ASXL3: variants seen among roughly 807,000 people sequenced by gnomAD.
ASXL3 encodes the protein ASXL transcriptional regulator 3, also known as putative Polycomb group protein ASXL3.
Under a neutral mutation model 170.6 loss-of-function variants are expected in ASXL3, and 34 were observed. The observed-to-expected ratio is 0.20, with a 90% CI of 0.15 to 0.27. The LOEUF is 0.27. ASXL3 is among the 10% of genes least tolerant of loss of function. The pLI, the probability that ASXL3 is intolerant of heterozygous loss-of-function variation, is 1.00. For missense variants in ASXL3, 2,592 were observed against 2,695.3 expected, an observed-to-expected ratio of 0.96 and a Z score of 0.85; for synonymous variants, 1,002 against 989.1, an observed-to-expected ratio of 1.01 and a Z score of -0.24.
intron 8 of ASXL3, among the ~76,000 whole-genome samples, chr18:33,700,268 T>C (rs2066848093): frequency 6.6e-6 from 1 of 152,050 alleles, no homozygotes; most frequent in African/African-American, 2.4e-5. Flanking sequence ...ACTGTAACGA[T>C]CCCTGAAGGC....
At position 33,748,139 on chromosome 18, in the gene ASXL3, C is replaced by T. The variant is rs2067827046; in HGVS notation, c.*1544C>T. On this transcript the variant is annotated 3_prime_UTR_variant, in exon 12 of 12. Transcript: ENST00000269197. ...AAACATGGGGGGGGTGGGGAATCATCTGTATCCAGGGTAAGAATGACCAAT... is the reference window on the plus strand; with the variant it reads ...AAACATGGGGGGGGTGGGGAATCATTTGTATCCAGGGTAAGAATGACCAAT... 1 of 152,050 alleles carries T rather than the reference C, an allele frequency of 6.6e-6. No homozygotes were observed. Among genetic ancestry groups the T allele is most frequent in the South Asian group, 2.1e-4 (1 of 4,826 alleles). 9.4% of individuals were successfully genotyped at this position (152,050 alleles called of 1,614,324 possible).
At chr18:33,579,005 T>G in intron 1 of ASXL3, 2 of 169,536 alleles carry the variant, frequency 1.2e-5, no homozygotes, top group Non-Finnish European at 2.5e-5. Context: ...GCAGCTCGAC[T>G]TCCCTCTCTG....
intron 2 of ASXL3, among the ~76,000 whole-genome samples, chr18:33,639,975 A>T (rs576005905): frequency 1.4e-4 from 22 of 152,290 alleles, no homozygotes; most frequent in Admixed American, 7.9e-4. Flanking sequence ...TACTTTAGAG[A>T]CATATTGAAT....
intron 8 of ASXL3, among the ~76,000 whole-genome samples, chr18:33,707,350 C>T (rs908367260): frequency 1.6e-4 from 24 of 151,970 alleles, no homozygotes; most frequent in African/African-American, 5.5e-4. Context: ...CAATCCATGA[C>T]CATAACTTGT....
chr18:33,682,449 T>C (rs1055328786), intron 7 of ASXL3, among the ~76,000 whole-genome samples: 1 of 152,226 alleles, frequency 6.6e-6, no homozygotes, highest in African/African-American at 2.4e-5. Context: ...TTTTGAGATG[T>C]GAACTCTACA....
intron 7 of ASXL3, among the ~76,000 whole-genome samples, chr18:33,676,669 A>G (rs690324): frequency 6.6e-6 from 1 of 152,220 alleles, no homozygotes; most frequent in Admixed American, 6.5e-5. Context: ...CTACCAAATA[A>G]CCAGGCAGTA....
intron 7 of ASXL3, among the ~76,000 whole-genome samples, chr18:33,681,144 C>A (rs372503252): frequency 1.4e-4 from 22 of 152,062 alleles, no homozygotes; most frequent in Admixed American, 4.6e-4. Flanking sequence ...GCTCTCATTT[C>A]AATTACATCT....
At chr18:33,734,555 C>A in intron 10 of ASXL3, 140 bp downstream of exon 10, 1 of 456,684 alleles carries the variant, frequency 2.2e-6, no homozygotes, top group Non-Finnish European at 3.7e-6. Flanking sequence ...TAAGAAATTG[C>A]AGATGAAATT....
In ASXL3 at chr18:33,737,956, G is replaced by A. The variant is rs537588194; in HGVS notation, c.1083-531G>A. 8.1e-4 allele frequency among the ~76,000 whole-genome samples: 123 copies of A among 151,984 alleles called. 1 individual carries two copies. The highest frequency in any genetic ancestry group is 1.1e-3 in the Admixed American group (17 of 15,270). On this transcript the variant is annotated intron_variant, in intron 10 of 11. Transcript: ENST00000269197. ...GATTTAAAAAATATATATTTTATAC[G>A]TTATTTTGCTTTTCTGCTCATATTT...
chr18:33,596,508 A>G (rs886408324), intron 1 of ASXL3, among the ~76,000 whole-genome samples: 10 of 152,216 alleles, frequency 6.6e-5, no homozygotes, highest in Non-Finnish European at 1.0e-4. Flanking sequence ...GCAGAATCAA[A>G]TAATTTCATA....
intron 8 of ASXL3, among the ~76,000 whole-genome samples, chr18:33,712,934 C>T (rs1365251990): frequency 6.6e-6 from 1 of 151,990 alleles, no homozygotes; most frequent in African/African-American, 2.4e-5. Flanking sequence ...TTCTTTTTGT[C>T]CCATCTGCTG....
Position 33,734,330 on chromosome 18 carries a change from C to T in ASXL3, c.997C>T (p.Gln333Ter), listed in dbSNP as rs1243277009. The T allele has an allele frequency of 6.2e-7, 1 of 1,602,272 alleles. No homozygotes were observed. The highest frequency in any genetic ancestry group is 8.5e-7 in the Non-Finnish European group (1 of 1,175,200). The change falls in exon 10 of 12, where the codon CAG (glutamine) becomes TAG (stop). Residue 333 changes from glutamine to a stop codon, truncating the protein, a stop_gained. Coordinates refer to ENST00000269197, the MANE Select transcript of ASXL3 (RefSeq NM_030632.3). LOFTEE classifies it high-confidence loss of function. ...LAEGEFTPEMQLRIRQEIEKE... is the reference protein window; with the variant it reads ...LAEGEFTPEM Reference sequence around the variant, plus strand: ...TTTAGGAGAGTTTACCCCAGAAATGCAGTTGCGGATAAGGCAAGAAATTGA... The same window carrying T: ...TTTAGGAGAGTTTACCCCAGAAATGTAGTTGCGGATAAGGCAAGAAATTGA...
At chr18:33,597,598 A>G (rs1245210111) in intron 1 of ASXL3, among the ~76,000 whole-genome samples, 2 of 152,144 alleles carry the variant, frequency 1.3e-5, no homozygotes, top group African/African-American at 4.8e-5. Flanking sequence ...CCTACCTTTT[A>G]CATTGTAATA....
intron 7 of ASXL3, among the ~76,000 whole-genome samples, chr18:33,681,977 G>A (rs2066522750): frequency 6.6e-6 from 1 of 152,004 alleles, no homozygotes; most frequent in Admixed American, 6.6e-5. Flanking sequence ...ATTTCTAGAA[G>A]TATTATCTGG....
At position 33,751,135 on chromosome 18, in the gene ASXL3, G is replaced by A. The variant is rs2067879388; in HGVS notation, c.*4540G>A. ...TTTCTCTGTCTTTCCCTTTCTCAAAGTAACAACTTGGGTTTCAATATTAAG... is the reference window on the plus strand; with the variant it reads ...TTTCTCTGTCTTTCCCTTTCTCAAAATAACAACTTGGGTTTCAATATTAAG... On this transcript the variant is annotated 3_prime_UTR_variant, in exon 12 of 12. Transcript: ENST00000269197. 6.6e-6 allele frequency: 1 copy of A among 152,092 alleles called. No individual in the cohort carries two copies. The highest frequency in any genetic ancestry group is 1.5e-5 in the Non-Finnish European group (1 of 67,998). 9.4% of individuals were successfully genotyped at this position (152,092 alleles called of 1,614,324 possible). A position where few individuals can be genotyped will look rare whatever the true frequency, so the allele number is the denominator to read the frequency against.
intron 1 of ASXL3, among the ~76,000 whole-genome samples, chr18:33,581,448 A>G: frequency 6.8e-6 from 1 of 146,786 alleles, no homozygotes; most frequent in Non-Finnish European, 1.5e-5. Flanking sequence ...AGAATATGTT[A>G]TATATATCTT....
chr18:33,683,259 T>C, intron 7 of ASXL3, 146 bp from the exon 8 acceptor site: 1 of 641,054 alleles, frequency 1.6e-6, no homozygotes, highest in East Asian at 3.2e-5. Context: ...ATTTCTTTTC[T>C]GAAATACCAT....
chr18:33,743,713 G>A lies in ASXL3; in HGVS notation c.3865G>A (p.Asp1289Asn). Residue 1289 changes from aspartate (D) to asparagine (N), a missense_variant, in exon 12 of 12, where the codon GAC (aspartate) becomes AAC (asparagine). By Grantham distance (23) the Asp-to-Asn change is conservative. Transcript: ENST00000269197. ...CATGTTAAAAACCATCCAGGGAACTGACACTCCATGCATAGCCATTATACC... is the reference window on the plus strand; with the variant it reads ...CATGTTAAAAACCATCCAGGGAACTAACACTCCATGCATAGCCATTATACC... The part of the protein sequence containing the change: ...ISMLKTIQGT[D>N]TPCIAIIPKC... 1 of 1,613,826 alleles carries A rather than the reference G, an allele frequency of 6.2e-7. No individual in the cohort carries two copies. Among genetic ancestry groups the A allele is most frequent in the Non-Finnish European group, 8.5e-7 (1 of 1,179,892 alleles).
In ASXL3 at chr18:33,745,294, G is replaced by C. The variant is rs2067759866; in HGVS notation, c.5446G>C (p.Ala1816Pro). The C allele has an allele frequency of 6.2e-7, 1 of 1,613,920 alleles. No individual in the cohort carries two copies. Among genetic ancestry groups the C allele is most frequent in the Non-Finnish European group, 8.5e-7 (1 of 1,179,888 alleles). ...DGKGYLAGTL[A>P]PLQMRKRENH... ...TAAGGGCTACTTGGCAGGGACTCTGGCACCACTCCAAATGAGAAAGCGAGA... is the reference window on the plus strand; with the variant it reads ...TAAGGGCTACTTGGCAGGGACTCTGCCACCACTCCAAATGAGAAAGCGAGA... The change falls in exon 12 of 12, where the codon GCA (alanine) becomes CCA (proline). Residue 1816 changes from alanine (A) to proline (P), a missense_variant. Ala to Pro is a conservative substitution (Grantham distance 27). Coordinates refer to ENST00000269197, the MANE Select transcript of ASXL3 (RefSeq NM_030632.3).
Sources: allele counts gnomAD v4.1 joint callset (sites outside exome capture counted in the v4.1 genomes callset), GRCh38; gene constraint gnomAD v4.1.1; transcripts MANE v1.5; gene names NCBI Gene and HGNC (gene_info 2026-07-23, HGNC 2026-07-21).